Variants in SCAF8 observed in about 807,000 individuals in gnomAD.
The protein encoded by SCAF8 is SR-related and CTD-associated factor 8.
SCAF8 carries 23 observed loss-of-function variants against 140.5 expected under a neutral mutation model. The ratio of observed to expected loss-of-function variants is 0.16; its 90% CI spans 0.12 to 0.23. The LOEUF is 0.23. SCAF8 is among the 10% of genes least tolerant of loss of function. SCAF8 has a pLI of 1.00. For missense variants in SCAF8, 1,397 were observed against 1,555.7 expected (o/e 0.90, Z 1.72); for synonymous variants, 575 against 528.9 (o/e 1.09, Z -1.20).
In SCAF8 at chr6:154,808,792, G is replaced by A. The variant is rs116710927; in HGVS notation, c.1220G>A (p.Arg407His). 174 of 1,605,586 alleles carry A rather than the reference G, an allele frequency of 1.1e-4. 1 individual carries two copies. The African/African-American group carries it at 1.3e-3, about 12-fold the overall frequency. ...RSRSRTHSRS[R>H]SRSPRKRRSR... Reference sequence around the variant, plus strand: ...AGATCAAGAACACATTCACGATCTCGTTCAAGGTTCTACAATGATATTTAA... The same window carrying A: ...AGATCAAGAACACATTCACGATCTCATTCAAGGTTCTACAATGATATTTAA... The change falls in exon 11 of 20, where the codon CGT becomes CAT. Residue 407 changes from arginine to histidine, a missense_variant. By Grantham distance (29) the Arg-to-His change is conservative (BLOSUM62 0). This residue lies in a region of SCAF8 where 339 missense variants were observed against 407.5 expected (regional missense o/e 0.83). Coordinates refer to ENST00000367178, the MANE Select transcript of SCAF8 (RefSeq NM_014892.5).
intron 1 of SCAF8, among the ~76,000 whole-genome samples, chr6:154,736,591 A>G (rs1423989700): frequency 6.6e-6 from 1 of 152,204 alleles, no homozygotes; most frequent in Non-Finnish European, 1.5e-5. Flanking sequence ...CGTTTTAAAC[A>G]GTAGCTCCCA....
At chr6:154,753,461 T>A (rs1778889323) in intron 1 of SCAF8, among the ~76,000 whole-genome samples, 1 of 150,078 alleles carries the variant, frequency 6.7e-6, no homozygotes, top group South Asian at 2.1e-4. Context: ...AGCAAAACTT[T>A]GTCTCAAAAA....
At chr6:154,803,923 T>C (rs1346629499) in intron 8 of SCAF8, among the ~76,000 whole-genome samples, 2 of 152,188 alleles carry the variant, frequency 1.3e-5, no homozygotes, top group East Asian at 3.8e-4. Context: ...GTAAGAGTGG[T>C]TGGAATACTA....
chr6:154,817,221 A>G (rs553372699), intron 13 of SCAF8, among the ~76,000 whole-genome samples: 2 of 152,206 alleles, frequency 1.3e-5, no homozygotes, highest in Non-Finnish European at 2.9e-5. Flanking sequence ...AATTTTTAGC[A>G]AAGTGTCACA....
intron 1 of SCAF8, among the ~76,000 whole-genome samples, chr6:154,750,053 C>T (rs1778800812): frequency 2.0e-5 from 3 of 149,292 alleles, no homozygotes; most frequent in Middle Eastern, 3.5e-3. Flanking sequence ...GAGTATGGTA[C>T]CAGTCACTAA....
intron 4 of SCAF8, among the ~76,000 whole-genome samples, chr6:154,788,342 T>G (rs1366199546): frequency 6.6e-6 from 1 of 152,228 alleles, no homozygotes; most frequent in Non-Finnish European, 1.5e-5. Flanking sequence ...CCGTCTAGGT[T>G]TGTGTAAGTA....
At position 154,733,475 on chromosome 6, in the gene SCAF8, C is replaced by G; in HGVS notation, c.-426C>G. The G allele has an allele frequency of 3.7e-6, 5 of 1,353,254 alleles. No individual in the cohort carries two copies. The highest frequency in any genetic ancestry group is 4.7e-6 in the Non-Finnish European group (5 of 1,056,056). The allele number at this position is 1,353,254 out of a possible 1,614,324, so 83.8% of individuals were successfully genotyped here. On this transcript the variant is annotated 5_prime_UTR_variant, in exon 1 of 20. Coordinates refer to ENST00000367178, the MANE Select transcript of SCAF8 (RefSeq NM_014892.5). ...CCTCCTCTGTCTTCGCCGAGCGGGG[C>G]TGGTTCCTGCGGCCCGAGCGGCGGG...
At chr6:154,765,057 T>G (rs145315411) in intron 1 of SCAF8, among the ~76,000 whole-genome samples, 147 of 152,334 alleles carry the variant, frequency 9.6e-4, no homozygotes, top group Non-Finnish European at 1.8e-3. Flanking sequence ...GTAAGTACAT[T>G]AAATATAGTC....
intron 7 of SCAF8, 44 bp from the exon 8 acceptor site, chr6:154,803,500 G>A: frequency 3.7e-6 from 5 of 1,346,966 alleles, no homozygotes; most frequent in Non-Finnish European, 5.3e-6. Context: ...TTGTATTTGT[G>A]TGAAGCACTT....
intron 1 of SCAF8, among the ~76,000 whole-genome samples, chr6:154,745,413 G>T (rs1778674332): frequency 6.6e-6 from 1 of 152,058 alleles, no homozygotes; most frequent in South Asian, 2.1e-4. Context: ...TTGCTCTGTT[G>T]CCCAGGTTTG....
chr6:154,796,389 C>CTCTCTCTCTCTCTCTCTCTGTCTG lies in SCAF8; in HGVS notation c.606+1253_606+1254insCTCTCTCTCTCTCTCTGTCTGTCT, dbSNP rs376622207. 4.8e-3 allele frequency among the ~76,000 whole-genome samples: 670 copies of CTCTCTCTCTCTCTCTCTCTGTCTG among 140,982 alleles called. 24 individuals carry two copies. Among genetic ancestry groups the CTCTCTCTCTCTCTCTCTCTGTCTG allele is most frequent in the African/African-American group, 0.01 (369 of 36,340 alleles). The allele number at this position is 140,982 out of a possible 152,430, so 92.5% of individuals were successfully genotyped here. On this transcript the variant is annotated intron_variant, in intron 6 of 19. Transcript: ENST00000367178. Reference sequence around the variant, plus strand: ...TCTCTCTCTCTCTCTCTCTCTCTCTCTCTGTCTCTCTCTTTTTCTGACCCT... The same window carrying CTCTCTCTCTCTCTCTCTCTGTCTG: ...TCTCTCTCTCTCTCTCTCTCTCTCTCTCTCTCTCTCTCTCTCTCTGTCTGTCTGTCTCTCTCTTTTTCTGACCCT...
At chr6:154,808,001 G>C in intron 9 of SCAF8, 69 bp from the exon 10 acceptor site, 1 of 1,374,744 alleles carries the variant, frequency 7.3e-7, no homozygotes, top group Non-Finnish European at 1.0e-6. Context: ...GATGTTTGCT[G>C]TGTTTACATT....
chr6:154,748,934 G>C (rs771562827), intron 1 of SCAF8, among the ~76,000 whole-genome samples: 3 of 152,162 alleles, frequency 2.0e-5, no homozygotes, highest in South Asian at 2.1e-4. Flanking sequence ...ATGGGTGAAG[G>C]CCTATGAATA....
At chr6:154,740,186 A>G (rs960738698) in intron 1 of SCAF8, among the ~76,000 whole-genome samples, 1 of 152,214 alleles carries the variant, frequency 6.6e-6, no homozygotes, top group Non-Finnish European at 1.5e-5. Context: ...CTTTCTGCTC[A>G]TATGAGAACC....
At position 154,833,073 on chromosome 6, in the gene SCAF8, G is replaced by T; in HGVS notation, c.3494G>T (p.Arg1165Ile). ...GAGAGGCAAAGGGATAGGGATGACA[G>T]AGATTTTGATTTCTGCAGAGAAATG... ...PWERQRDRDD[R>I]DFDFCREMNG... The change falls in exon 20 of 20, where the codon AGA becomes ATA. Residue 1165 changes from arginine (R) to isoleucine (I), a missense_variant. By Grantham distance (97) the Arg-to-Ile change is moderately conservative. Around this residue, in one of 5 missense-constraint regions of SCAF8, gnomAD observed 930 missense variants for 874.6 expected, o/e 1.06. Coordinates refer to ENST00000367178, the MANE Select transcript of SCAF8 (RefSeq NM_014892.5). The T allele has an allele frequency of 6.2e-7, 1 of 1,614,170 alleles. No homozygotes were observed. The highest frequency in any genetic ancestry group is 1.1e-5 in the South Asian group (1 of 91,082).
intron 1 of SCAF8, among the ~76,000 whole-genome samples, chr6:154,748,333 A>G (rs1299922241): frequency 6.6e-6 from 1 of 152,226 alleles, no homozygotes; most frequent in Non-Finnish European, 1.5e-5. Context: ...ATTACTATCC[A>G]AAGTTGGGAG....
intron 1 of SCAF8, among the ~76,000 whole-genome samples, chr6:154,765,959 C>A (rs1385061497): frequency 1.3e-5 from 2 of 152,026 alleles, no homozygotes; most frequent in Non-Finnish European, 2.9e-5. Flanking sequence ...TTTGACTCTT[C>A]CCCAACTAAT....
In SCAF8 at chr6:154,822,673, C is replaced by A. The variant is rs140146117; in HGVS notation, c.1926+264C>A. 0.015 allele frequency among the ~76,000 whole-genome samples: 2,273 copies of A among 151,994 alleles called. 22 individuals are homozygous for A. Among genetic ancestry groups the A allele is most frequent in the Middle Eastern group, 0.044 (13 of 294 alleles). On this transcript the variant is annotated intron_variant, in intron 16 of 19. Coordinates refer to ENST00000367178, the MANE Select transcript of SCAF8 (RefSeq NM_014892.5). ...AAAACTCAGAGGATTTTTTTAGGTTCATGTTTTTCTGAGGAGTCAAATTGA... is the reference window on the plus strand; with the variant it reads ...AAAACTCAGAGGATTTTTTTAGGTTAATGTTTTTCTGAGGAGTCAAATTGA...
At chr6:154,790,780 G>T (rs1174235924) in intron 4 of SCAF8, among the ~76,000 whole-genome samples, 1 of 151,904 alleles carries the variant, frequency 6.6e-6, no homozygotes, top group Non-Finnish European at 1.5e-5. Context: ...TAAGTGCTGG[G>T]ATTACAGGCG....
Sources: allele counts gnomAD v4.1 joint callset (sites outside exome capture counted in the v4.1 genomes callset), GRCh38; gene constraint gnomAD v4.1.1; regional missense constraint gnomAD v4.1.1; transcripts MANE v1.5; gene names NCBI Gene and HGNC (gene_info 2026-07-23, HGNC 2026-07-21).